GLRA1: variants seen among roughly 807,000 people sequenced by gnomAD.
GLRA1 encodes glycine receptor subunit alpha-1.
GLRA1 carries 37 observed loss-of-function variants against 48.3 expected under a neutral mutation model. The ratio of observed to expected loss-of-function variants is 0.77; its 90% CI spans 0.59 to 1.01. GLRA1 has a LOEUF of 1.01. Among genes scored for constraint, GLRA1 ranks in the 50% least tolerant of loss-of-function variants. The pLI is 0.00. For synonymous variants in GLRA1, 196 were observed against 210.7 expected, an observed-to-expected ratio of 0.93 and a Z score of 0.60; for missense variants, 427 against 571.0, an observed-to-expected ratio of 0.75 and a Z score of 2.57.
chr5:151,854,822 C>T (rs913943118), intron 6 of GLRA1, among the ~76,000 whole-genome samples: 3 of 152,210 alleles, frequency 2.0e-5, no homozygotes, highest in Non-Finnish European at 2.9e-5. Context: ...ACTGTATTTA[C>T]CAGCTTCCCT....
chr5:151,849,472 C>CT (rs2113339057), intron 7 of GLRA1, among the ~76,000 whole-genome samples: 1 of 46,010 alleles, frequency 2.2e-5, no homozygotes, highest in Non-Finnish European at 3.7e-5. Flanking sequence ...TCCTTCCTTC[C>CT]TTCCTTCCTT....
At position 151,822,624 on chromosome 5, in the gene GLRA1, G is replaced by A. The variant is rs1031466353; in HGVS notation, c.*49C>T. 1.6e-6 allele frequency: 2 copies of A among 1,268,802 alleles called. No individual in the cohort carries two copies. Among genetic ancestry groups the A allele is most frequent in the Non-Finnish European group, 1.2e-6 (1 of 865,832 alleles). The allele number at this position is 1,268,802 out of a possible 1,614,324, so 78.6% of individuals were successfully genotyped here. A position where few individuals can be genotyped will look rare whatever the true frequency, so the allele number is the denominator to read the frequency against. On this transcript the variant is annotated 3_prime_UTR_variant, in exon 9 of 9. Coordinates refer to ENST00000274576, the MANE Select transcript of GLRA1 (RefSeq NM_000171.4). ...CTTCCTTAGTCTCTCAGATTCCTGTGCTATTCCCACGTTCCCCTCTCCCAG... is the reference window on the plus strand; with the variant it reads ...CTTCCTTAGTCTCTCAGATTCCTGTACTATTCCCACGTTCCCCTCTCCCAG...
At chr5:151,842,894 G>A (rs1284792653) in intron 7 of GLRA1, among the ~76,000 whole-genome samples, 1 of 152,146 alleles carries the variant, frequency 6.6e-6, no homozygotes, top group Non-Finnish European at 1.5e-5. Flanking sequence ...GTTCAGGAAA[G>A]TTATTGGATA....
At chr5:151,834,272 A>C (rs970115768) in intron 7 of GLRA1, among the ~76,000 whole-genome samples, 7 of 152,222 alleles carry the variant, frequency 4.6e-5, no homozygotes, top group African/African-American at 1.7e-4. Flanking sequence ...CATAACAAAC[A>C]GTCTCTCAGA....
chr5:151,891,209 G>A (rs923897401), intron 2 of GLRA1, among the ~76,000 whole-genome samples: 1 of 152,146 alleles, frequency 6.6e-6, no homozygotes, highest in East Asian at 1.9e-4. Context: ...CATAGGCTCC[G>A]AAGGAGGTCC....
chr5:151,877,532 CA>C (rs5872231), intron 3 of GLRA1, among the ~76,000 whole-genome samples: 5,219 of 152,144 alleles, frequency 0.034, 128 homozygotes, highest in South Asian at 0.075. Context: ...ACAACAACAA[CA>C]AAAAACTCCA....
At chr5:151,835,666 C>G (rs1397509194) in intron 7 of GLRA1, among the ~76,000 whole-genome samples, 1 of 152,180 alleles carries the variant, frequency 6.6e-6, no homozygotes, top group Non-Finnish European at 1.5e-5. Context: ...ATATGCAAAT[C>G]AATAGACATA....
chr5:151,901,709 G>C (rs1381870750), intron 1 of GLRA1, among the ~76,000 whole-genome samples: 2 of 152,174 alleles, frequency 1.3e-5, no homozygotes, highest in African/African-American at 4.8e-5. Context: ...TAGATATTGA[G>C]GAGACATAGC....
At chr5:151,904,056 T>C (rs1754421342) in intron 1 of GLRA1, among the ~76,000 whole-genome samples, 1 of 152,222 alleles carries the variant, frequency 6.6e-6, no homozygotes, top group Non-Finnish European at 1.5e-5. Flanking sequence ...CTAGAAGGAA[T>C]ATTTACTTAG....
chr5:151,915,350 T>A (rs1278516365), intron 1 of GLRA1, among the ~76,000 whole-genome samples: 1 of 152,142 alleles, frequency 6.6e-6, no homozygotes, highest in Non-Finnish European at 1.5e-5. Context: ...ATAAGATGCA[T>A]TTTTTCTGTA....
chr5:151,857,840 G>A (rs1230627353), intron 4 of GLRA1, among the ~76,000 whole-genome samples: 1 of 152,202 alleles, frequency 6.6e-6, no homozygotes, highest in Non-Finnish European at 1.5e-5. Flanking sequence ...GAGAAGAAAG[G>A]CTTTCAGAGC....
At chr5:151,909,196 G>T (rs915583930) in intron 1 of GLRA1, among the ~76,000 whole-genome samples, 10 of 152,204 alleles carry the variant, frequency 6.6e-5, no homozygotes, top group African/African-American at 2.4e-4. Context: ...GAGAGTCACA[G>T]ATGTCATTCT....
chr5:151,884,453 A>AAAACAAAACAAAAC (rs1246833460), intron 3 of GLRA1, among the ~76,000 whole-genome samples: 162 of 39,334 alleles, frequency 4.1e-3, no homozygotes, highest in South Asian at 6.2e-3. Context: ...CAAAACAAAA[A>AAAACAAAACAAAAC]AACCCATTTT....
Position 151,847,092 on chromosome 5 carries a change from A to C in GLRA1, c.912+4298T>G, listed in dbSNP as rs75606216. Among the ~76,000 whole-genome samples the C allele has an allele frequency of 1.4e-4, 21 of 152,328 alleles. No individual in the cohort carries two copies. In the East Asian group the frequency reaches 3.5e-3, roughly 25 times the overall value. On this transcript the variant is annotated intron_variant, in intron 7 of 8. Transcript: ENST00000274576. The stretch of plus-strand genomic sequence containing the variant: ...CTGGGTAAAGGGTGTGAGGGTGTTT[A>C]TTGTATGTTCTTTCAACTTTTCTAT...
intron 7 of GLRA1, among the ~76,000 whole-genome samples, chr5:151,841,121 A>G (rs192207579): frequency 4.6e-5 from 7 of 152,300 alleles, no homozygotes; most frequent in Admixed American, 3.3e-4. Context: ...AATAAACCAT[A>G]CTATTATGCA....
intron 1 of GLRA1, among the ~76,000 whole-genome samples, chr5:151,901,506 CCACGAGTTGGA>C (rs1283614039): frequency 6.6e-6 from 1 of 152,178 alleles, no homozygotes; most frequent in Non-Finnish European, 1.5e-5. Context: ...AGCATGCATC[CCACGAGTTGGA>C]CAGAAGAGCA....
chr5:151,854,977 T>G, intron 6 of GLRA1, 63 bp downstream of exon 6: 2 of 1,524,896 alleles, frequency 1.3e-6, no homozygotes, highest in Non-Finnish European at 1.8e-6. Context: ...ATTGAATGTG[T>G]CTGAAATGAC....
At chr5:151,835,027 C>CAAAAA (rs60718344) in intron 7 of GLRA1, among the ~76,000 whole-genome samples, 60 of 52,462 alleles carry the variant, frequency 1.1e-3, no homozygotes, top group East Asian at 3.1e-3. Flanking sequence ...GACAACATCT[C>CAAAAA]AAAAAAAAAA....
At position 151,840,475 on chromosome 5, in the gene GLRA1, C is replaced by G. The variant is rs111472726; in HGVS notation, c.912+10915G>C. ...AAGATAAGATATATATAGAAAACAA[C>G]ACAATGGCAGATGTAAATTATACGA... On this transcript the variant is annotated intron_variant, in intron 7 of 8. Transcript: ENST00000274576. Among the ~76,000 whole-genome samples, 626 of 152,178 alleles carry G rather than the reference C, an allele frequency of 4.1e-3. 3 individuals carry two copies. The highest frequency in any genetic ancestry group is 0.014 in the African/African-American group (601 of 41,522).
Sources: allele counts gnomAD v4.1 joint callset (sites outside exome capture counted in the v4.1 genomes callset), GRCh38; gene constraint gnomAD v4.1.1; transcripts MANE v1.5; gene names NCBI Gene and HGNC (gene_info 2026-07-23, HGNC 2026-07-21).